ORC1: variants seen among roughly 807,000 people sequenced by gnomAD.
ORC1 encodes origin recognition complex, subunit 1 homolog.
ORC1 carries 61 observed loss-of-function variants against 98.9 expected under a neutral mutation model. The ratio of observed to expected loss-of-function variants is 0.62; its 90% CI spans 0.50 to 0.76. ORC1 has a LOEUF of 0.76. Among genes scored for constraint, ORC1 ranks in the 30% least tolerant of loss-of-function variants. ORC1 has a pLI of 0.00. For missense variants in ORC1, 979 were observed against 1,072.2 expected (o/e 0.91, Z 1.21); for synonymous variants, 385 against 406.9 (o/e 0.95, Z 0.65).
At chr1:52,402,454 C>T (rs933484959) in intron 1 of ORC1, among the ~76,000 whole-genome samples, 4 of 152,100 alleles carry the variant, frequency 2.6e-5, no homozygotes, top group Non-Finnish European at 5.9e-5. Context: ...TGTACTATGC[C>T]GTATCTCTTT....
At chr1:52,399,982 C>A (rs867396579) in intron 3 of ORC1, among the ~76,000 whole-genome samples, 11 of 152,316 alleles carry the variant, frequency 7.2e-5, no homozygotes, top group African/African-American at 2.4e-4. Context: ...CATCATCATC[C>A]TCTCTTCCCT....
intron 8 of ORC1, among the ~76,000 whole-genome samples, chr1:52,387,234 A>G (rs1647153851): frequency 1.3e-5 from 2 of 152,276 alleles, no homozygotes; most frequent in South Asian, 4.2e-4. Flanking sequence ...CAGAGGCATT[A>G]GATTCTCATA....
chr1:52,406,209 G>A (rs1164503207), upstream of ORC1, among the ~76,000 whole-genome samples: 6 of 151,730 alleles, frequency 4.0e-5, no homozygotes, highest in Admixed American at 2.0e-4. Context: ...GGCTGGTCTC[G>A]AACTCCAGAC....
At chr1:52,402,563 A>G (rs530499151) in intron 1 of ORC1, among the ~76,000 whole-genome samples, 1 of 152,342 alleles carries the variant, frequency 6.6e-6, no homozygotes, top group South Asian at 2.1e-4. Flanking sequence ...AACATCTAAC[A>G]AAGTGAAATT....
intron 6 of ORC1, among the ~76,000 whole-genome samples, chr1:52,391,182 G>A (rs1326230964): frequency 6.6e-6 from 1 of 151,548 alleles, no homozygotes; most frequent in Admixed American, 6.6e-5. Flanking sequence ...AGTGGCTCGC[G>A]CTGGTAGTCC....
intron 3 of ORC1, among the ~76,000 whole-genome samples, chr1:52,399,914 G>T (rs1057496343): frequency 6.6e-6 from 1 of 151,864 alleles, no homozygotes; most frequent in Non-Finnish European, 1.5e-5. Flanking sequence ...TACAGCATAC[G>T]ATTAGTATCA....
chr1:52,402,135 G>C lies in ORC1; in HGVS notation c.89C>G (p.Thr30Ser). 1 of 1,613,022 alleles carries C rather than the reference G, an allele frequency of 6.2e-7. No homozygotes were observed. Among genetic ancestry groups the C allele is most frequent in the Non-Finnish European group, 8.5e-7 (1 of 1,179,036 alleles). The change falls in exon 2 of 17, where the codon ACC becomes AGC. Residue 30 changes from threonine to serine, a missense_variant. Thr to Ser is a moderately conservative substitution (Grantham distance 58). Coordinates refer to ENST00000371568, the MANE Select transcript of ORC1 (RefSeq NM_004153.4). ...PLLDRKLHYQ[T>S]YREMCVKTEG... ...AAAGGACCCCATCACTCACCTATAG[G>C]TTTGGTAGTGCAGTTTTCGATCCAA...
intron 13 of ORC1, among the ~76,000 whole-genome samples, chr1:52,382,665 C>A (rs374588301): frequency 6.6e-6 from 1 of 150,614 alleles, no homozygotes; most frequent in South Asian, 2.1e-4. Flanking sequence ...CCGCAACCTC[C>A]GCCTCCCGGG....
At chr1:52,394,620 A>AG (rs1647311802) in intron 5 of ORC1, among the ~76,000 whole-genome samples, 2 of 152,084 alleles carry the variant, frequency 1.3e-5, no homozygotes, top group African/African-American at 4.8e-5. Flanking sequence ...GAGGACCTAA[A>AG]GAAAAAAAAA....
chr1:52,398,430 A>C (rs548190445), intron 3 of ORC1, among the ~76,000 whole-genome samples: 1 of 150,004 alleles, frequency 6.7e-6, no homozygotes, highest in Non-Finnish European at 1.5e-5. Context: ...CGCCTGGCTA[A>C]TTTTTATATT....
chr1:52,388,646 T>C lies in ORC1; in HGVS notation c.1188-9A>G, dbSNP rs1459509477. 1 of 1,609,962 alleles carries C rather than the reference T, an allele frequency of 6.2e-7. No homozygotes were observed. The highest frequency in any genetic ancestry group is 8.5e-7 in the Non-Finnish European group (1 of 1,176,786). ...TACTATTACCTAGAAACCTGAATGG[T>C]AGGGACATATTTTTTGATACTCAGT... On this transcript the variant is annotated splice_polypyrimidine_tract_variant and intron_variant, in intron 7 of 16. Coordinates refer to ENST00000371568, the MANE Select transcript of ORC1 (RefSeq NM_004153.4).
Position 52,401,472 on chromosome 1 carries a change from G to A in ORC1, c.113C>T (p.Thr38Ile), listed in dbSNP as rs758529447. ...GTGAATCTCGGTGGAACAACCTTCT[G>A]TTTTCACACACATTTCTCTAGGAAG... ...YQTYREMCVK[T>I]EGCSTEIHIQ... The change falls in exon 3 of 17, where the codon ACA (threonine) becomes ATA (isoleucine). Residue 38 changes from threonine (T) to isoleucine (I), a missense_variant. Transcript: ENST00000371568. 5 of 1,612,932 alleles carry A rather than the reference G, an allele frequency of 3.1e-6. No individual in the cohort carries two copies. The highest frequency in any genetic ancestry group is 2.2e-5 in the East Asian group (1 of 44,840).
Position 52,397,693 on chromosome 1 carries a change from G to C in ORC1, c.394C>G (p.Leu132Val). The C allele has an allele frequency of 1.2e-6, 2 of 1,614,148 alleles. No individual in the cohort carries two copies. Among genetic ancestry groups the C allele is most frequent in the Non-Finnish European group, 1.7e-6 (2 of 1,180,000 alleles). ...ATGGTGGCATCACCTACCCGAACAA[G>C]GCCAATGATGGTCTCCGCATTAATG... ...SNINAETIIGLVRVIPLAPKD... is the reference protein window; with the variant it reads ...SNINAETIIGVVRVIPLAPKD... Residue 132 changes from leucine to valine, a missense_variant, in exon 4 of 17, where the codon CTT becomes GTT. Transcript: ENST00000371568.
At chr1:52,386,797 C>G (rs2147927966) in intron 8 of ORC1, among the ~76,000 whole-genome samples, 1 of 152,170 alleles carries the variant, frequency 6.6e-6, no homozygotes, top group South Asian at 2.1e-4. Flanking sequence ...AAAGCCCCCT[C>G]TAAATTAGCT....
intron 8 of ORC1, among the ~76,000 whole-genome samples, chr1:52,386,817 G>A (rs1647148838): frequency 6.6e-6 from 1 of 152,108 alleles, no homozygotes; most frequent in African/African-American, 2.4e-5. Context: ...TAGGCATGAT[G>A]GCACACTCCT....
intron 14 of ORC1, among the ~76,000 whole-genome samples, chr1:52,377,316 C>T (rs918666380): frequency 6.6e-6 from 1 of 151,832 alleles, no homozygotes; most frequent in Non-Finnish European, 1.5e-5. Flanking sequence ...GCTCTGTCAC[C>T]CAGGCTGGAG....
rs1647115884 is a variant in ORC1, at chr1:52,384,531, C to T, written c.1755+19G>A. Reference sequence around the variant, plus strand: ...CGAAGAAACAGCATTTTCCAAAAAGCCTAAACAGCTCTGCTTACCTGCAAG... The same window carrying T: ...CGAAGAAACAGCATTTTCCAAAAAGTCTAAACAGCTCTGCTTACCTGCAAG... On this transcript the variant is annotated intron_variant, in intron 11 of 16. Coordinates refer to ENST00000371568, the MANE Select transcript of ORC1 (RefSeq NM_004153.4). 1 of 1,612,390 alleles carries T rather than the reference C, an allele frequency of 6.2e-7. No individual in the cohort carries two copies. Among genetic ancestry groups the T allele is most frequent in the Admixed American group, 1.7e-5 (1 of 60,004 alleles).
rs1647172999 is a variant in ORC1 at position 52,388,534 on chromosome 1, G to A, written c.1291C>T (p.Leu431Phe). Reference protein sequence around the residue: ...SDEEEASTPPLPRRAPRTVSR... With the variant: ...SDEEEASTPPFPRRAPRTVSR... The stretch of plus-strand genomic sequence containing the variant: ...ACAGTTCTGGGTGCTCTCCTTGGAA[G>A]GGGCGGTGTGGAAGCCTCTTCTTCG... Residue 431 changes from leucine (L) to phenylalanine (F), a missense_variant, in exon 8 of 17, where the codon CTT (leucine) becomes TTT (phenylalanine). Physicochemically the swap from Leu to Phe is conservative, Grantham distance 22 (BLOSUM62 0). Coordinates refer to ENST00000371568, the MANE Select transcript of ORC1 (RefSeq NM_004153.4). The A allele has an allele frequency of 2.5e-6, 4 of 1,614,162 alleles. No homozygotes were observed. The highest frequency in any genetic ancestry group is 2.2e-5 in the South Asian group (2 of 91,086).
Position 52,393,499 on chromosome 1 carries a change from TCCCCCACTGATA to T in ORC1, c.1014_1025del (p.Ile339_Gly342del), listed in dbSNP as rs764392077. On this transcript the variant is annotated inframe_deletion, in exon 6 of 17. Coordinates refer to ENST00000371568, the MANE Select transcript of ORC1 (RefSeq NM_004153.4). ...CGGATGGCACCACTGAAGATCTCTG[TCCCCCACTGATA>T]GGGGTAAGTGTTCTCTCCTCTCTAA... 3.0e-5 allele frequency: 48 copies of T among 1,614,080 alleles called. 1 individual carries two copies. The Admixed American group carries it at 4.3e-4, about 15-fold the overall frequency.
Sources: allele counts gnomAD v4.1 joint callset (sites outside exome capture counted in the v4.1 genomes callset), GRCh38; gene constraint gnomAD v4.1.1; transcripts MANE v1.5; gene names NCBI Gene and HGNC (gene_info 2026-07-23, HGNC 2026-07-21).